The following PLA2G5 variants were observed in gnomAD, a reference collection of about 807,000 sequenced individuals.
PLA2G5 encodes the protein Ca2+-dependent phospholipase A2.
PLA2G5 carries 12 observed loss-of-function variants against 15.9 expected under a neutral mutation model. That is an observed-to-expected ratio of 0.76 (90% CI 0.48 to 1.23). The LOEUF is 1.23. PLA2G5 is among the 50% of genes most tolerant of loss of function. PLA2G5 has a pLI of 0.00. For missense variants in PLA2G5, 169 were observed against 177.1 expected, an observed-to-expected ratio of 0.95 and a Z score of 0.26; for synonymous variants, 71 against 71.4, an observed-to-expected ratio of 0.99 and a Z score of 0.03.
At chr1:20,081,373 GGAGGCCAACAGATCAA>G (rs921902505) in intron 1 of PLA2G5, among the ~76,000 whole-genome samples, 6 of 151,632 alleles carry the variant, frequency 4.0e-5, no homozygotes, top group African/African-American at 1.5e-4. Context: ...CCAGGTATGG[GGAGGCCAACAGATCAA>G]GAAATGATTG....
intron 1 of PLA2G5, among the ~76,000 whole-genome samples, chr1:20,080,244 A>C (rs2015934218): frequency 6.6e-6 from 1 of 152,066 alleles, no homozygotes; most frequent in Non-Finnish European, 1.5e-5. Context: ...GGGTGGCCCA[A>C]GCTCAACTCT....
At chr1:20,082,000 C>T (rs949375661) in intron 1 of PLA2G5, among the ~76,000 whole-genome samples, 1 of 151,576 alleles carries the variant, frequency 6.6e-6, no homozygotes, top group South Asian at 2.1e-4. Context: ...TGCAGTGAGC[C>T]GAGATGGTGC....
intron 2 of PLA2G5, among the ~76,000 whole-genome samples, chr1:20,061,450 A>C (rs1294833919): frequency 6.6e-6 from 1 of 151,854 alleles, no homozygotes; most frequent in Non-Finnish European, 1.5e-5. Context: ...GCTGGATATG[A>C]TGGCACACAT....
chr1:20,058,662 A>G (rs1315370203), intron 1 of PLA2G5, among the ~76,000 whole-genome samples: 4 of 152,170 alleles, frequency 2.6e-5, no homozygotes, highest in Admixed American at 2.6e-4. Context: ...TCAAGCCTGC[A>G]GGAAGTGGTT....
chr1:20,076,047 C>T (rs1026571171), intron 1 of PLA2G5, among the ~76,000 whole-genome samples: 2 of 151,700 alleles, frequency 1.3e-5, no homozygotes, highest in Non-Finnish European at 2.9e-5. Context: ...AATTTTTGTA[C>T]TTTTTAGTAG....
chr1:20,086,880 G>C (rs1343234493), intron 3 of PLA2G5, among the ~76,000 whole-genome samples: 1 of 152,164 alleles, frequency 6.6e-6, no homozygotes, highest in Non-Finnish European at 1.5e-5. Flanking sequence ...ATGTGAAATG[G>C]GAGATTTTGC....
chr1:20,067,659 G>C (rs138526444), upstream of PLA2G5, among the ~76,000 whole-genome samples: 524 of 151,876 alleles, frequency 3.5e-3, 15 homozygotes, highest in East Asian at 0.087. Flanking sequence ...CTGCACTCCA[G>C]CCTGGGCGAC....
At chr1:20,043,132 T>C (rs2013710069) in intron 1 of PLA2G5, among the ~76,000 whole-genome samples, 1 of 151,792 alleles carries the variant, frequency 6.6e-6, no homozygotes, top group South Asian at 2.1e-4. Flanking sequence ...GGGGCTGGGA[T>C]GAGGGGTGTA....
At chr1:20,039,143 CT>C (rs1224340045) in intron 1 of PLA2G5, among the ~76,000 whole-genome samples, 1 of 152,204 alleles carries the variant, frequency 6.6e-6, no homozygotes, top group Non-Finnish European at 1.5e-5. Context: ...GAATCTGTGA[CT>C]GAGGCATTCC....
At chr1:20,066,103 C>T (rs913159811), upstream of PLA2G5, 9 of 152,090 alleles carry the variant, frequency 5.9e-5, no homozygotes, top group African/African-American at 1.7e-4. Context: ...GTGGTGTTAA[C>T]GTTTTGGATT....
chr1:20,067,099 G>T (rs140321298), upstream of PLA2G5, among the ~76,000 whole-genome samples: 1 of 152,000 alleles, frequency 6.6e-6, no homozygotes. Flanking sequence ...AGGCTCAAGC[G>T]ATCCTCCCAC....
upstream of PLA2G5, among the ~76,000 whole-genome samples, chr1:20,069,669 AAGAAAG>A (rs2015238736): frequency 6.9e-5 from 1 of 14,396 alleles, no homozygotes; most frequent in African/African-American, 2.3e-4. Context: ...TCAGAAAAGA[AAGAAAG>A]AAAGAAAGAA....
chr1:20,087,562 A>C (rs1312624602), intron 3 of PLA2G5, among the ~76,000 whole-genome samples: 1 of 152,086 alleles, frequency 6.6e-6, no homozygotes, highest in African/African-American at 2.4e-5. Flanking sequence ...GGCAAATAGA[A>C]ACATTCTTTT....
At chr1:20,062,947 C>T (rs997520449) in intron 2 of PLA2G5, among the ~76,000 whole-genome samples, 2 of 152,108 alleles carry the variant, frequency 1.3e-5, no homozygotes, top group African/African-American at 4.8e-5. Context: ...GATCTGTGGC[C>T]CCAAGTTTCT....
At chr1:20,061,071 C>T (rs965951683) in intron 2 of PLA2G5, among the ~76,000 whole-genome samples, 2 of 152,188 alleles carry the variant, frequency 1.3e-5, no homozygotes, top group Non-Finnish European at 2.9e-5. Flanking sequence ...CTTCATGGAC[C>T]AGGCAGCCTG....
chr1:20,041,781 T>C (rs1391097628), intron 1 of PLA2G5, among the ~76,000 whole-genome samples: 2 of 152,128 alleles, frequency 1.3e-5, no homozygotes, highest in East Asian at 1.9e-4. Context: ...AGAGATCGAT[T>C]GGTGGAAGTT....
At chr1:20,032,275 T>C (rs2012997941) in intron 1 of PLA2G5, among the ~76,000 whole-genome samples, 1 of 152,150 alleles carries the variant, frequency 6.6e-6, no homozygotes, top group Non-Finnish European at 1.5e-5. Flanking sequence ...GCCTGTTGTC[T>C]GACTGGATAG....
chr1:20,074,494 C>T (rs577292776), intron 1 of PLA2G5, among the ~76,000 whole-genome samples: 48 of 152,294 alleles, frequency 3.2e-4, no homozygotes, highest in African/African-American at 1.1e-3. Context: ...TCATAACTGA[C>T]GAAGCTGACT....
At chr1:20,038,622 G>A (rs1023739356) in intron 1 of PLA2G5, among the ~76,000 whole-genome samples, 3 of 152,062 alleles carry the variant, frequency 2.0e-5, no homozygotes, top group African/African-American at 7.2e-5. Flanking sequence ...ATCTCTACAA[G>A]AAATAAATTA....
Sources: gnomAD v4.1 joint callset for allele counts (sites outside exome capture counted in the v4.1 genomes callset) on GRCh38, gnomAD v4.1.1 for gene constraint, MANE v1.5 for transcripts, NCBI Gene and HGNC (gene_info 2026-07-23, HGNC 2026-07-21) for gene names.